The following GPR89B variants were observed in gnomAD, a reference collection of about 807,000 sequenced individuals.
GPR89B encodes the protein golgi pH regulator B.
GPR89B carries 25 observed loss-of-function variants against 52.4 expected under a neutral mutation model. The ratio of observed to expected loss-of-function variants is 0.48; its 90% CI spans 0.35 to 0.67. The LOEUF (loss-of-function observed/expected upper bound fraction) is 0.67, where lower values mean the gene tolerates loss of function less well. Ranked by LOEUF, GPR89B falls within the 30% of genes least tolerant of loss-of-function variation. GPR89B has a pLI of 0.01. For missense variants in GPR89B, 146 were observed against 450.2 expected, an observed-to-expected ratio of 0.32 and a Z score of 6.11; for synonymous variants, 52 against 151.2, an observed-to-expected ratio of 0.34 and a Z score of 4.81.
intron 10 of GPR89B, among the ~76,000 whole-genome samples, chr1:147,977,166 G>A (rs1465640153): frequency 0.035 from 5,215 of 147,590 alleles, 345 homozygotes; most frequent in African/African-American, 0.12. Flanking sequence ...CCCAGGAGGC[G>A]GAGGTTGCAG....
At chr1:147,960,590 C>T (rs1453635233) in intron 7 of GPR89B, among the ~76,000 whole-genome samples, 10 of 150,738 alleles carry the variant, frequency 6.6e-5, no homozygotes, top group East Asian at 5.9e-4. Context: ...TGGTGGCTCA[C>T]GCCTGTAATC....
At chr1:148,025,390 G>T in the GPR89B span, among the ~76,000 whole-genome samples, 6 of 151,600 alleles carry the variant, frequency 4.0e-5, no homozygotes, top group African/African-American at 4.9e-5. Context: ...AGGCGCAGTG[G>T]CTCACACCTG....
At chr1:147,950,431 A>G (rs1416984105) in intron 5 of GPR89B, among the ~76,000 whole-genome samples, 1 of 144,082 alleles carries the variant, frequency 6.9e-6, no homozygotes, top group East Asian at 2.1e-4. Context: ...CCGGGCAGAG[A>G]CGCTCCTCAC....
At chr1:147,973,279 A>G (rs1657606183) in intron 10 of GPR89B, among the ~76,000 whole-genome samples, 1 of 152,012 alleles carries the variant, frequency 6.6e-6, no homozygotes, top group African/African-American at 2.4e-5. Context: ...TCCCACCAAC[A>G]GTGTAAAAGC....
At chr1:147,960,557 T>C (rs1656456520) in intron 7 of GPR89B, among the ~76,000 whole-genome samples, 1 of 151,448 alleles carries the variant, frequency 6.6e-6, no homozygotes, top group Non-Finnish European at 1.5e-5. Flanking sequence ...AAGAATCAGA[T>C]CCATAAAAAT....
downstream of GPR89B, among the ~76,000 whole-genome samples, chr1:147,998,038 C>T (rs1346024593): frequency 6.6e-6 from 1 of 151,994 alleles, no homozygotes; most frequent in African/African-American, 2.4e-5. Context: ...TCTTGAATAC[C>T]GAAGAGGCAT....
At chr1:148,016,052 T>C in the GPR89B span, among the ~76,000 whole-genome samples, 2 of 144,870 alleles carry the variant, frequency 1.4e-5, no homozygotes, top group African/African-American at 5.2e-5. Flanking sequence ...CCACAACCCA[T>C]TGTTATTGCT....
At position 147,951,928 on chromosome 1, in the gene GPR89B, T is replaced by C. The variant is rs587745278; in HGVS notation, c.416-1417T>C. 3.3e-5 allele frequency among the ~76,000 whole-genome samples: 5 copies of C among 152,028 alleles called. No homozygotes were observed. In the East Asian group the frequency reaches 9.7e-4, roughly 29 times the overall value. On this transcript the variant is annotated intron_variant, in intron 5 of 13. Coordinates refer to ENST00000314163, the MANE Select transcript of GPR89B (RefSeq NM_016334.5). ...ATGATTGCAGATGTATATTCAATGT[T>C]ATAAAACAGCCCATAAAACAAAGAT...
chr1:147,963,808 C>T (rs1473022613), intron 7 of GPR89B, among the ~76,000 whole-genome samples: 2 of 152,162 alleles, frequency 1.3e-5, no homozygotes, highest in East Asian at 1.9e-4. Context: ...CTAAACATGC[C>T]GTTACCACAC....
downstream of GPR89B, among the ~76,000 whole-genome samples, chr1:147,997,592 G>T (rs1223588324): frequency 2.6e-5 from 4 of 152,126 alleles, no homozygotes; most frequent in African/African-American, 7.2e-5. Flanking sequence ...GCATCCCAGG[G>T]TCTCAAGCTT....
chr1:147,946,761 C>A (rs1395953145), intron 5 of GPR89B, among the ~76,000 whole-genome samples: 1 of 152,102 alleles, frequency 6.6e-6, no homozygotes, highest in Admixed American at 6.5e-5. Flanking sequence ...GTCCTTTCAT[C>A]CACCCCTTTT....
At chr1:147,950,261 G>A (rs1419393630) in intron 5 of GPR89B, among the ~76,000 whole-genome samples, 3 of 151,314 alleles carry the variant, frequency 2.0e-5, no homozygotes, top group East Asian at 2.0e-4. Flanking sequence ...AGACAGGGTC[G>A]CGGCCGGGTA....
the GPR89B span, among the ~76,000 whole-genome samples, chr1:148,003,451 T>C: frequency 4.6e-5 from 7 of 152,288 alleles, no homozygotes; most frequent in South Asian, 2.1e-4. Context: ...TAAGTTGAAA[T>C]TGGACATGGG....
chr1:147,994,272 T>A, downstream of GPR89B: 1 of 1,596,510 alleles, frequency 6.3e-7, no homozygotes, highest in Non-Finnish European at 8.6e-7. Context: ...AGCTATCAAA[T>A]AAACAGCCAA....
At position 147,943,564 on chromosome 1, in the gene GPR89B, A is replaced by T; in HGVS notation, c.313+20A>T. The T allele has an allele frequency of 6.2e-7, 1 of 1,613,238 alleles. No homozygotes were observed. Among genetic ancestry groups the T allele is most frequent in the Non-Finnish European group, 8.5e-7 (1 of 1,179,384 alleles). The stretch of plus-strand genomic sequence containing the variant: ...GACTACGTAAGTATTTTACCCTCTC[A>T]GTCAGCGTATAGATTGAGATGAGTA... On this transcript the variant is annotated intron_variant, in intron 4 of 13. Transcript: ENST00000314163.
At chr1:147,950,582 G>A (rs369206830) in intron 5 of GPR89B, among the ~76,000 whole-genome samples, 77 of 152,322 alleles carry the variant, frequency 5.1e-4, no homozygotes, top group African/African-American at 1.7e-3. Context: ...CAAGGCAGGC[G>A]GCTGGGAGGT....
intron 10 of GPR89B, among the ~76,000 whole-genome samples, chr1:147,972,489 A>T (rs1379785772): frequency 2.6e-5 from 4 of 151,238 alleles, no homozygotes; most frequent in Non-Finnish European, 4.4e-5. Flanking sequence ...AACACTCTAT[A>T]TGGCCAGTCT....
intron 5 of GPR89B, among the ~76,000 whole-genome samples, chr1:147,950,266 C>T (rs587672289): frequency 2.5e-4 from 37 of 151,018 alleles, no homozygotes; most frequent in East Asian, 4.0e-4. Flanking sequence ...GGGTCGCGGC[C>T]GGGTAGAGGT....
At chr1:148,005,023 A>G in the GPR89B span, among the ~76,000 whole-genome samples, 1 of 17,580 alleles carries the variant, frequency 5.7e-5, no homozygotes, top group Non-Finnish European at 9.6e-5. Flanking sequence ...CGAGACTGCA[A>G]TGAGCCGAGA....
Sources: allele counts gnomAD v4.1 joint callset (sites outside exome capture counted in the v4.1 genomes callset), GRCh38; gene constraint gnomAD v4.1.1; transcripts MANE v1.5; gene names NCBI Gene and HGNC (gene_info 2026-07-23, HGNC 2026-07-21).